The following HIC1 variants were observed in gnomAD, a reference collection of about 807,000 sequenced individuals.
The protein encoded by HIC1 is HIC ZBTB transcriptional repressor 1, also known as hypermethylated in cancer 1 protein.
Under a neutral mutation model 26.4 loss-of-function variants are expected in HIC1, and 9 were observed. That is an observed-to-expected ratio of 0.34 (90% CI 0.21 to 0.59). The LOEUF (loss-of-function observed/expected upper bound fraction) is 0.59, where lower values mean the gene tolerates loss of function less well. Ranked by LOEUF, HIC1 falls within the 20% of genes least tolerant of loss-of-function variation. The pLI is 0.82. For synonymous variants in HIC1, 631 were observed against 523.1 expected (o/e 1.21, Z -2.81); for missense variants, 965 against 1,075.7 (o/e 0.90, Z 1.44).
rs920712104 is a variant in HIC1, at chr17:2,060,352, G to C, written c.*1517G>C. 2.2e-4 allele frequency: 34 copies of C among 152,390 alleles called. No individual in the cohort carries two copies. The highest frequency in any genetic ancestry group is 8.2e-4 in the African/African-American group (34 of 41,588). 9.4% of individuals were successfully genotyped at this position (152,390 alleles called of 1,614,324 possible). On this transcript the variant is annotated 3_prime_UTR_variant, in exon 2 of 2. Coordinates refer to ENST00000619757, the MANE Select transcript of HIC1 (RefSeq NM_006497.4). ...CAGTGTCAGTTTTTCCGGGGAGTGAGGGCAAAGCTAGAAACCAGGTTAGGC... is the reference window on the plus strand; with the variant it reads ...CAGTGTCAGTTTTTCCGGGGAGTGACGGCAAAGCTAGAAACCAGGTTAGGC...
chr17:2,056,197 C>A, intron 1 of HIC1: 2 of 956,370 alleles, frequency 2.1e-6, no homozygotes, highest in Non-Finnish European at 3.4e-6. Flanking sequence ...GGGCGGGCAC[C>A]GCGCTCCCCT....
Position 2,056,799 on chromosome 17 carries a change from G to T in HIC1, c.109G>T (p.Ala37Ser), listed in dbSNP as rs1335749666. The T allele has an allele frequency of 2.5e-6, 4 of 1,612,764 alleles. No homozygotes were observed. In the South Asian group the frequency reaches 3.3e-5, roughly 13 times the overall value. ...CGACGTGATCATCGTGGTGCAGAACGCCCTCTTCCGCGCGCACAAGAACGT... is the reference window on the plus strand; with the variant it reads ...CGACGTGATCATCGTGGTGCAGAACTCCCTCTTCCGCGCGCACAAGAACGT... Reference protein sequence around the residue: ...LCDVIIVVQNALFRAHKNVLA... With the variant: ...LCDVIIVVQNSLFRAHKNVLA... The change falls in exon 2 of 2, where the codon GCC (alanine) becomes TCC (serine). Residue 37 changes from alanine to serine, a missense_variant. Ala to Ser is a moderately conservative substitution (Grantham distance 99). Around this residue, in one of 6 missense-constraint regions of HIC1, gnomAD observed 64 missense variants for 114.0 expected, o/e 0.56. Coordinates refer to ENST00000619757, the MANE Select transcript of HIC1 (RefSeq NM_006497.4).
At position 2,057,598 on chromosome 17, in the gene HIC1, C is replaced by T. The variant is rs866721959; in HGVS notation, c.908C>T (p.Pro303Leu). Residue 303 changes from proline to leucine, a missense_variant, in exon 2 of 2, where the codon CCC becomes CTC. Physicochemically the swap from Pro to Leu is moderately conservative, Grantham distance 98 (BLOSUM62 -3). Coordinates refer to ENST00000619757, the MANE Select transcript of HIC1 (RefSeq NM_006497.4). ...GSPGPEPPGR[P>L]DGPSLLYRWM... ...CCGGGACCCGAGCCCCCCGGCCGCC[C>T]CGACGGGCCTAGTCTCCTCTATCGC... 6.6e-7 allele frequency: 1 copy of T among 1,506,714 alleles called. No individual in the cohort carries two copies. The allele number at this position is 1,506,714 out of a possible 1,614,324, so 93.3% of individuals were successfully genotyped here. A position where few individuals can be genotyped will look rare whatever the true frequency, so the allele number is the denominator to read the frequency against.
Position 2,056,661 on chromosome 17 carries a change from G to A in HIC1, c.-20-10G>A. On this transcript the variant is annotated splice_polypyrimidine_tract_variant and intron_variant, in intron 1 of 1. Transcript: ENST00000619757. ...CACGGCTCTCACCCGGCCGGTGTGT[G>A]TCCCCGCAGGAGAGTGTGCTGGGCA... is the stretch of plus-strand genomic sequence containing the variant. 1 of 1,537,490 alleles carries A rather than the reference G, an allele frequency of 6.5e-7. No homozygotes were observed. Among genetic ancestry groups the A allele is most frequent in the Non-Finnish European group, 8.8e-7 (1 of 1,138,074 alleles).
In HIC1 at chr17:2,057,493, C is replaced by A. The variant is rs1214681201; in HGVS notation, c.803C>A (p.Pro268Gln). 2.0e-5 allele frequency: 29 copies of A among 1,484,636 alleles called. No individual in the cohort carries two copies. The highest frequency in any genetic ancestry group is 2.4e-5 in the Non-Finnish European group (27 of 1,123,896). 92.0% of individuals were successfully genotyped at this position (1,484,636 alleles called of 1,614,324 possible). A position where few individuals can be genotyped will look rare whatever the true frequency, so the allele number is the denominator to read the frequency against. ...TACAAGGAGCCGCCTCTCGCCCTGCCGTCGCTGCCGCCGCTGCCCTTCCAG... is the reference window on the plus strand; with the variant it reads ...TACAAGGAGCCGCCTCTCGCCCTGCAGTCGCTGCCGCCGCTGCCCTTCCAG... The part of the protein sequence containing the change: ...AAYKEPPLAL[P>Q]SLPPLPFQKL... The change falls in exon 2 of 2, where the codon CCG becomes CAG. Residue 268 changes from proline to glutamine, a missense_variant. By Grantham distance (76) the Pro-to-Gln change is moderately conservative. Transcript: ENST00000619757.
intron 1 of HIC1, among the ~76,000 whole-genome samples, chr17:2,056,010 TC>T (rs1277088115): frequency 1.2e-5 from 1 of 85,200 alleles, no homozygotes; most frequent in Non-Finnish European, 2.3e-5. Flanking sequence ...GCTGCGTGGC[TC>T]CCCCCTCCCC....
In HIC1 at chr17:2,058,589, G is replaced by T; in HGVS notation, c.1899G>T (p.Val633=). The T allele has an allele frequency of 6.4e-7, 1 of 1,551,106 alleles. No homozygotes were observed. The change falls in exon 2 of 2, where the codon GTG becomes GTT. Residue 633 remains valine, a synonymous_variant. Transcript: ENST00000619757. ...ACTTCCCCGAGGGCGTCTTTGCTGT[G>T]GCTCGCCTCACGGCCGAGCAGCTGA... ...KLDFPEGVFA[V]ARLTAEQLSL...
chr17:2,057,436 C>A lies in HIC1; in HGVS notation c.746C>A (p.Pro249Gln). The change falls in exon 2 of 2, where the codon CCG (proline) becomes CAG (glutamine). Residue 249 changes from proline (P) to glutamine (Q), a missense_variant. Pro to Gln is a moderately conservative substitution (Grantham distance 76, BLOSUM62 -1). Coordinates refer to ENST00000619757, the MANE Select transcript of HIC1 (RefSeq NM_006497.4). Reference sequence around the variant, plus strand: ...GCTGAGCGCGAGCTGCCCCCGCGCCCGGACAGCCCTCCCAGCGCCGGCCCC... The same window carrying A: ...GCTGAGCGCGAGCTGCCCCCGCGCCAGGACAGCCCTCCCAGCGCCGGCCCC... Reference protein sequence around the residue: ...PLAERELPPRPDSPPSAGPAA... With the variant: ...PLAERELPPRQDSPPSAGPAA... 2 of 1,448,364 alleles carry A rather than the reference C, an allele frequency of 1.4e-6. No homozygotes were observed. The highest frequency in any genetic ancestry group is 1.8e-6 in the Non-Finnish European group (2 of 1,108,250). 89.7% of individuals were successfully genotyped at this position (1,448,364 alleles called of 1,614,324 possible).
In HIC1 at chr17:2,057,356, C is replaced by A; in HGVS notation, c.666C>A (p.Gly222=). The change falls in exon 2 of 2, where the codon GGC becomes GGA. Residue 222 remains glycine, a synonymous_variant. Transcript: ENST00000619757. ...ASERRCSPLC[G]LDLSKKSPPG... ...AGCGCCGCTGCTCCCCTCTTTGTGG[C>A]CTGGACCTGTCCAAGAAGAGCCCGC... is the stretch of plus-strand genomic sequence containing the variant. 1 of 1,489,246 alleles carries A rather than the reference C, an allele frequency of 6.7e-7. No individual in the cohort carries two copies. Among genetic ancestry groups the A allele is most frequent in the Non-Finnish European group, 8.9e-7 (1 of 1,128,278 alleles). The allele number at this position is 1,489,246 out of a possible 1,614,324, so 92.3% of individuals were successfully genotyped here. A position where few individuals can be genotyped will look rare whatever the true frequency, so the allele number is the denominator to read the frequency against.
Position 2,061,743 on chromosome 17 carries a change from C to T in HIC1, c.*2908C>T. ...GTGCCACGCTAGCCGTGTCTTGGCT[C>T]TTCTACCAGTCCTTTCCTCCGTCCG... On this transcript the variant is annotated 3_prime_UTR_variant, in exon 2 of 2. Transcript: ENST00000619757. 8.7e-7 allele frequency: 1 copy of T among 1,155,770 alleles called. No individual in the cohort carries two copies. The highest frequency in any genetic ancestry group is 1.5e-5 in the South Asian group (1 of 68,864). The allele number at this position is 1,155,770 out of a possible 1,614,324, so 71.6% of individuals were successfully genotyped here.
Position 2,057,131 on chromosome 17 carries a change from C to T in HIC1, c.441C>T (p.Gly147=). 2 of 1,308,272 alleles carry T rather than the reference C, an allele frequency of 1.5e-6. No homozygotes were observed. Among genetic ancestry groups the T allele is most frequent in the Non-Finnish European group, 1.9e-6 (2 of 1,038,338 alleles). The allele number at this position is 1,308,272 out of a possible 1,614,324, so 81.0% of individuals were successfully genotyped here. ...TGCGGGGCGGCGGCGGCGGCGGCGG[C>T]GGCTACGCGCCCTATGGTCGGCCGG... ...CHLRGGGGGG[G]GYAPYGRPGR... is the part of the protein sequence containing the mutation. Residue 147 remains glycine, a synonymous_variant, in exon 2 of 2, where the codon GGC becomes GGT. Transcript: ENST00000619757.
rs1308982310 is a variant in HIC1 at position 2,061,654 on chromosome 17, T to C, written c.*2819T>C. 1.9e-6 allele frequency: 3 copies of C among 1,558,822 alleles called. No homozygotes were observed. The highest frequency in any genetic ancestry group is 1.9e-5 in the Admixed American group (1 of 52,568). On this transcript the variant is annotated 3_prime_UTR_variant, in exon 2 of 2. Coordinates refer to ENST00000619757, the MANE Select transcript of HIC1 (RefSeq NM_006497.4). Reference sequence around the variant, plus strand: ...GCATGAGAGAGCAGAAGGCTGTCACTGAGGACAGGAGGCAGAGGGCTGGCT... The same window carrying C: ...GCATGAGAGAGCAGAAGGCTGTCACCGAGGACAGGAGGCAGAGGGCTGGCT...
rs1361525534 is a variant in HIC1, at chr17:2,062,386, G to C, written c.*3551G>C. ...GGCACATTTACAAGTACATACACTT[G>C]GACATATAACCTTTTTTTCCTACAG... is the stretch of plus-strand genomic sequence containing the variant. On this transcript the variant is annotated 3_prime_UTR_variant, in exon 2 of 2. Coordinates refer to ENST00000619757, the MANE Select transcript of HIC1 (RefSeq NM_006497.4). 1.3e-5 allele frequency: 2 copies of C among 152,134 alleles called. No homozygotes were observed. Among genetic ancestry groups the C allele is most frequent in the Admixed American group, 1.3e-4 (2 of 15,274 alleles). The allele number at this position is 152,134 out of a possible 1,614,324, so 9.4% of individuals were successfully genotyped here. A position where few individuals can be genotyped will look rare whatever the true frequency, so the allele number is the denominator to read the frequency against.
chr17:2,057,110 G>GGGCGGCGGA lies in HIC1; in HGVS notation c.428_429insAGGCGGCGG (p.Gly146_Gly148dup). 7.6e-7 allele frequency: 1 copy of GGGCGGCGGA among 1,322,022 alleles called. No homozygotes were observed. Among genetic ancestry groups the GGGCGGCGGA allele is most frequent in the Non-Finnish European group, 9.6e-7 (1 of 1,043,642 alleles). 81.9% of individuals were successfully genotyped at this position (1,322,022 alleles called of 1,614,324 possible). A position where few individuals can be genotyped will look rare whatever the true frequency, so the allele number is the denominator to read the frequency against. Reference sequence around the variant, plus strand: ...GCCACGGCAAGTACTGCCACCTGCGGGGCGGCGGCGGCGGCGGCGGCGGCT... The same window carrying GGGCGGCGGA: ...GCCACGGCAAGTACTGCCACCTGCGGGGCGGCGGAGGCGGCGGCGGCGGCGGCGGCGGCT... On this transcript the variant is annotated inframe_insertion, in exon 2 of 2. Transcript: ENST00000619757.
Position 2,061,776 on chromosome 17 carries a change from AG to A in HIC1, c.*2942del. ...AGTCCTTTCCTCCGTCCGGGCTCTC[AG>A]CCCCGGGGACCCTCCCCTGCTGGCC... On this transcript the variant is annotated 3_prime_UTR_variant, in exon 2 of 2. Coordinates refer to ENST00000619757, the MANE Select transcript of HIC1 (RefSeq NM_006497.4). 1.1e-6 allele frequency: 1 copy of A among 869,962 alleles called. No homozygotes were observed. The highest frequency in any genetic ancestry group is 1.7e-5 in the South Asian group (1 of 60,316). 53.9% of individuals were successfully genotyped at this position (869,962 alleles called of 1,614,324 possible). A position where few individuals can be genotyped will look rare whatever the true frequency, so the allele number is the denominator to read the frequency against.
chr17:2,057,667 T>G lies in HIC1; in HGVS notation c.977T>G (p.Leu326Arg). 6.6e-7 allele frequency: 1 copy of G among 1,511,600 alleles called. No homozygotes were observed. The highest frequency in any genetic ancestry group is 2.0e-5 in the Admixed American group (1 of 49,396). 93.6% of individuals were successfully genotyped at this position (1,511,600 alleles called of 1,614,324 possible). ...EPGLGSYGDE[L>R]GRERGSPSER... The stretch of plus-strand genomic sequence containing the variant: ...GGCCTGGGTAGCTATGGCGACGAGC[T>G]GGGCCGGGAGCGCGGCTCCCCCAGC... Residue 326 changes from leucine to arginine, a missense_variant, in exon 2 of 2, where the codon CTG becomes CGG. Transcript: ENST00000619757.
At chr17:2,056,416 TGCCCTGGGGCGTGCAGGCC>T in intron 1 of HIC1, 2 of 1,519,568 alleles carry the variant, frequency 1.3e-6, no homozygotes, top group Non-Finnish European at 1.8e-6. Context: ...CCCAGCCAGG[TGCCCTGGGGCGTGCAGGCC>T]GCCCTGGCCT....
Position 2,057,644 on chromosome 17 carries a change from C to A in HIC1, c.954C>A (p.Gly318=). Residue 318 remains glycine (G), a synonymous_variant, in exon 2 of 2, where the codon GGC becomes GGA. Transcript: ENST00000619757. Reference sequence around the variant, plus strand: ...ATCGCTGGATGAAGCACGAGCCGGGCCTGGGTAGCTATGGCGACGAGCTGG... The same window carrying A: ...ATCGCTGGATGAAGCACGAGCCGGGACTGGGTAGCTATGGCGACGAGCTGG... ...LLYRWMKHEP[G]LGSYGDELGR... 6.6e-7 allele frequency: 1 copy of A among 1,516,462 alleles called. No homozygotes were observed. The highest frequency in any genetic ancestry group is 8.8e-7 in the Non-Finnish European group (1 of 1,139,800). The allele number at this position is 1,516,462 out of a possible 1,614,324, so 93.9% of individuals were successfully genotyped here.
chr17:2,058,497 G>C lies in HIC1; in HGVS notation c.1807G>C (p.Ala603Pro). The C allele has an allele frequency of 6.8e-7, 1 of 1,478,094 alleles. No individual in the cohort carries two copies. The highest frequency in any genetic ancestry group is 1.4e-5 in the South Asian group (1 of 71,262). The allele number at this position is 1,478,094 out of a possible 1,614,324, so 91.6% of individuals were successfully genotyped here. A position where few individuals can be genotyped will look rare whatever the true frequency, so the allele number is the denominator to read the frequency against. ...MHAVGGAAGA[A>P]GALAGLGGLP... ...CGCCGTGGGGGGCGCGGCCGGCGCG[G>C]CCGGGGCGCTGGCGGGCTTGGGGGG... The change falls in exon 2 of 2, where the codon GCC (alanine) becomes CCC (proline). Residue 603 changes from alanine to proline, a missense_variant. By Grantham distance (27) the Ala-to-Pro change is conservative. Coordinates refer to ENST00000619757, the MANE Select transcript of HIC1 (RefSeq NM_006497.4).
Sources: gnomAD v4.1 joint callset for allele counts (sites outside exome capture counted in the v4.1 genomes callset) on GRCh38, gnomAD v4.1.1 for gene constraint, gnomAD v4.1.1 regional missense constraint, MANE v1.5 for transcripts, NCBI Gene and HGNC (gene_info 2026-07-23, HGNC 2026-07-21) for gene names.